The following FGF2 variants were observed in gnomAD, a reference collection of about 807,000 sequenced individuals.
The protein encoded by FGF2 is fibroblast growth factor 2.
In FGF2, 13 loss-of-function variants were observed where a neutral mutation model predicts 15.9. The ratio of observed to expected loss-of-function variants is 0.82; its 90% CI spans 0.53 to 1.30. The LOEUF (loss-of-function observed/expected upper bound fraction) is 1.30, where lower values mean the gene tolerates loss of function less well. FGF2 is among the 50% of genes most tolerant of loss of function. The pLI is 0.00. For missense variants in FGF2, 163 were observed against 196.9 expected (o/e 0.83, Z 1.03); for synonymous variants, 90 against 78.4 (o/e 1.15, Z -0.78).
intron 1 of FGF2, among the ~76,000 whole-genome samples, chr4:122,859,953 T>G (rs1221123934): frequency 6.6e-6 from 1 of 152,228 alleles, no homozygotes; most frequent in Non-Finnish European, 1.5e-5. Context: ...CATTTGATAC[T>G]GAAGGTCTTC....
Position 122,827,484 on chromosome 4 carries a change from G to T in FGF2, c.178+132G>T. The T allele has an allele frequency of 9.4e-7, 1 of 1,066,316 alleles. No individual in the cohort carries two copies. The allele number at this position is 1,066,316 out of a possible 1,614,324, so 66.1% of individuals were successfully genotyped here. ...CGCTCCGTGTGGTTTCTGGCCGCGC[G>T]GCCCTCGGCGGTTTCGGGTTCACCA... On this transcript the variant is annotated intron_variant, in intron 1 of 2. Transcript: ENST00000644866. The surrounding 1 kb of genome is among the most constrained non-coding windows in gnomAD (Gnocchi z 4.2).
At chr4:122,841,706 A>G (rs892357697) in intron 1 of FGF2, among the ~76,000 whole-genome samples, 2 of 152,208 alleles carry the variant, frequency 1.3e-5, no homozygotes, top group Non-Finnish European at 2.9e-5. Context: ...TGATTATGCT[A>G]AACCAAAGTT....
At chr4:122,856,645 TAA>T (rs1279435111) in intron 1 of FGF2, among the ~76,000 whole-genome samples, 1 of 152,238 alleles carries the variant, frequency 6.6e-6, no homozygotes, top group Non-Finnish European at 1.5e-5. Context: ...AATTTTGAGA[TAA>T]TTATAGATTC....
At chr4:122,867,622 G>C (rs1244868780) in intron 1 of FGF2, among the ~76,000 whole-genome samples, 1 of 152,148 alleles carries the variant, frequency 6.6e-6, no homozygotes, top group African/African-American at 2.4e-5. Context: ...TGGAATTACA[G>C]GTGTGAGCCA....
chr4:122,895,105 G>A lies in FGF2; in HGVS notation c.*2709G>A, dbSNP rs1727309818. On this transcript the variant is annotated 3_prime_UTR_variant, in exon 3 of 3. Coordinates refer to ENST00000644866, the MANE Select transcript of FGF2 (RefSeq NM_001361665.2). ...CTGAAAATTGAATGGGCAAATAAGT[G>A]CTTTTGTCTCCAGAGTATGCGGGAG... 1 of 152,172 alleles carries A rather than the reference G, an allele frequency of 6.6e-6. No individual in the cohort carries two copies. Among genetic ancestry groups the A allele is most frequent in the Non-Finnish European group, 1.5e-5 (1 of 68,036 alleles). 9.4% of individuals were successfully genotyped at this position (152,172 alleles called of 1,614,324 possible). A position where few individuals can be genotyped will look rare whatever the true frequency, so the allele number is the denominator to read the frequency against.
intron 1 of FGF2, among the ~76,000 whole-genome samples, chr4:122,859,648 GTA>G (rs562639896): frequency 5.7e-4 from 24 of 42,460 alleles, no homozygotes; most frequent in East Asian, 4.8e-3. Context: ...GTGTACATAT[GTA>G]TATACACACA....
intron 1 of FGF2, among the ~76,000 whole-genome samples, chr4:122,831,477 C>G (rs192693531): frequency 1.3e-5 from 2 of 152,280 alleles, no homozygotes; most frequent in East Asian, 3.9e-4. Context: ...TAGATTCTCT[C>G]CCCCCACCTC....
chr4:122,830,480 C>T (rs1046975689), intron 1 of FGF2, among the ~76,000 whole-genome samples: 3 of 152,236 alleles, frequency 2.0e-5, no homozygotes, highest in East Asian at 1.9e-4. Flanking sequence ...CATTTTCTGG[C>T]GTTTTTCTCA....
In FGF2 at chr4:122,892,974, T is replaced by C; in HGVS notation, c.*578T>C. On this transcript the variant is annotated 3_prime_UTR_variant, in exon 3 of 3. Transcript: ENST00000644866. ...TCTCTGTACCCATACAGCAGCAGCC[T>C]AGCAACTCTGCTGGTGATGGGAGTT... 6.2e-7 allele frequency: 1 copy of C among 1,614,188 alleles called. No homozygotes were observed. The highest frequency in any genetic ancestry group is 8.5e-7 in the Non-Finnish European group (1 of 1,180,026).
At chr4:122,882,096 A>G (rs548517715) in intron 2 of FGF2, 3 of 152,336 alleles carry the variant, frequency 2.0e-5, no homozygotes, top group South Asian at 2.1e-4. Flanking sequence ...TGTCTCCATG[A>G]TTCAGTTACC....
chr4:122,873,554 G>C (rs146421323), intron 1 of FGF2, among the ~76,000 whole-genome samples: 1 of 151,934 alleles, frequency 6.6e-6, no homozygotes, highest in South Asian at 2.1e-4. Flanking sequence ...TCCCATTTTT[G>C]GCAAGTTTAT....
At chr4:122,851,863 T>G (rs1448732674) in intron 1 of FGF2, among the ~76,000 whole-genome samples, 1 of 152,218 alleles carries the variant, frequency 6.6e-6, no homozygotes, top group Non-Finnish European at 1.5e-5. Context: ...GCCTTACTAA[T>G]TCTATGCTCT....
chr4:122,826,792 G>T, upstream of FGF2: 3 of 1,406,190 alleles, frequency 2.1e-6, no homozygotes, highest in South Asian at 1.5e-5. Context: ...GGTGTGGGGG[G>T]TGGAGATGTA....
At position 122,857,757 on chromosome 4, in the gene FGF2, T is replaced by A. The variant is rs748612890; in HGVS notation, c.179-18564T>A. Among the ~76,000 whole-genome samples the A allele has an allele frequency of 3.6e-4, 55 of 152,258 alleles. 2 individuals are homozygous for A. Among genetic ancestry groups the A allele is most frequent in the Admixed American group, 3.3e-4 (5 of 15,290 alleles). Reference sequence around the variant, plus strand: ...ACCTTTGGCATAAATCAGCTGTACATCTTTAAATTTTTTAAATTACATAAG... The same window carrying A: ...ACCTTTGGCATAAATCAGCTGTACAACTTTAAATTTTTTAAATTACATAAG... On this transcript the variant is annotated intron_variant, in intron 1 of 2. Transcript: ENST00000644866.
At position 122,897,349 on chromosome 4, in the gene FGF2, G is replaced by A; in HGVS notation, c.*4953G>A. On this transcript the variant is annotated 3_prime_UTR_variant, in exon 3 of 3. Transcript: ENST00000644866. ...TAAACTTTACTGATGTATATCCAAA[G>A]CTTCTCATTTTCAGACAGATTAATC... 2.5e-6 allele frequency: 1 copy of A among 400,874 alleles called. No homozygotes were observed. The highest frequency in any genetic ancestry group is 4.5e-6 in the Non-Finnish European group (1 of 223,394). 24.8% of individuals were successfully genotyped at this position (400,874 alleles called of 1,614,324 possible).
chr4:122,831,926 G>A (rs1211599672), intron 1 of FGF2, among the ~76,000 whole-genome samples: 5 of 152,060 alleles, frequency 3.3e-5, no homozygotes, highest in Admixed American at 6.5e-5. Context: ...AAACAAGAAC[G>A]GTTCTTTAAA....
At chr4:122,839,935 C>G (rs925569772) in intron 1 of FGF2, among the ~76,000 whole-genome samples, 3 of 152,132 alleles carry the variant, frequency 2.0e-5, no homozygotes, top group African/African-American at 7.2e-5. Context: ...CTTCCGAGGC[C>G]CCTCTCCTTG....
chr4:122,852,984 C>T (rs1726267554), intron 1 of FGF2, among the ~76,000 whole-genome samples: 1 of 151,964 alleles, frequency 6.6e-6, no homozygotes, highest in Non-Finnish European at 1.5e-5. Context: ...CCTTATTTAT[C>T]TTGCTCTGCA....
chr4:122,857,645 T>G (rs1578464065), intron 1 of FGF2, among the ~76,000 whole-genome samples: 1 of 152,324 alleles, frequency 6.6e-6, no homozygotes, highest in East Asian at 1.9e-4. Context: ...AACATATCTC[T>G]TTTAGAACAT....
Sources: gnomAD v4.1 joint callset for allele counts (sites outside exome capture counted in the v4.1 genomes callset) on GRCh38, gnomAD v4.1.1 for gene constraint, Gnocchi (gnomAD v3.1) non-coding constraint, MANE v1.5 for transcripts, NCBI Gene and HGNC (gene_info 2026-07-23, HGNC 2026-07-21) for gene names.